Variants in AOPEP observed in about 807,000 individuals in gnomAD.
AOPEP encodes the protein aminopeptidase O (putative), also known as aminopeptidase O.
In AOPEP, 77 loss-of-function variants were observed where a neutral mutation model predicts 98.1. That is an observed-to-expected ratio of 0.78 (90% CI 0.65 to 0.95). The LOEUF (loss-of-function observed/expected upper bound fraction) is 0.95, where lower values mean the gene tolerates loss of function less well. AOPEP is among the 40% of genes least tolerant of loss of function. AOPEP has a pLI of 0.00. For synonymous variants in AOPEP, 346 were observed against 365.3 expected (o/e 0.95, Z 0.60); for missense variants, 1,024 against 1,024.7 (o/e 1.00, Z 0.01).
At chr9:94,793,879 T>C (rs1207835276) in intron 4 of AOPEP, among the ~76,000 whole-genome samples, 1 of 152,244 alleles carries the variant, frequency 6.6e-6, no homozygotes, top group Non-Finnish European at 1.5e-5. Context: ...AGTTTGGTTT[T>C]CAGTGCTTAT....
At chr9:95,007,762 G>A (rs768967919) in intron 13 of AOPEP, among the ~76,000 whole-genome samples, 1 of 152,152 alleles carries the variant, frequency 6.6e-6, no homozygotes, top group Non-Finnish European at 1.5e-5. Context: ...CCACACCTAG[G>A]AGAAGATTCA....
intron 9 of AOPEP, among the ~76,000 whole-genome samples, chr9:94,960,006 T>C (rs1589083535): frequency 6.6e-6 from 1 of 152,212 alleles, no homozygotes; most frequent in Non-Finnish European, 1.5e-5. Context: ...TCTAAAAGAA[T>C]TTTTTATGGT....
At chr9:95,011,486 G>T (rs978362160) in intron 13 of AOPEP, among the ~76,000 whole-genome samples, 8 of 152,052 alleles carry the variant, frequency 5.3e-5, no homozygotes, top group African/African-American at 1.7e-4. Flanking sequence ...ACAGACATGA[G>T]CCACCGCGCA....
At chr9:95,056,992 C>T (rs1285641468) in intron 13 of AOPEP, among the ~76,000 whole-genome samples, 1 of 152,106 alleles carries the variant, frequency 6.6e-6, no homozygotes, top group Non-Finnish European at 1.5e-5. Flanking sequence ...ATGAGCTGGT[C>T]TCTGTATGGA....
intron 5 of AOPEP, among the ~76,000 whole-genome samples, chr9:94,903,167 G>A (rs745804598): frequency 4.0e-5 from 6 of 151,674 alleles, no homozygotes; most frequent in Non-Finnish European, 7.4e-5. Flanking sequence ...TTTTTGTGGA[G>A]AGACGGGGTT....
chr9:95,082,991 G>A (rs570936274), intron 16 of AOPEP: 3 of 405,530 alleles, frequency 7.4e-6, no homozygotes, highest in Admixed American at 8.2e-5. Context: ...GCACTATTTT[G>A]GCCACTTCAG....
At chr9:95,012,772 G>C (rs1371233987) in intron 13 of AOPEP, among the ~76,000 whole-genome samples, 1 of 151,968 alleles carries the variant, frequency 6.6e-6, no homozygotes, top group African/African-American at 2.4e-5. Flanking sequence ...CCAACACTTA[G>C]AAAAAGGCCT....
intron 13 of AOPEP, chr9:95,021,965 CT>C (rs559348592): frequency 9.2e-5 from 14 of 152,334 alleles, no homozygotes; most frequent in African/African-American, 3.4e-4. Context: ...TTGGGAACCC[CT>C]GATGGAGTTC....
chr9:94,816,259 G>T (rs182519260), intron 5 of AOPEP, among the ~76,000 whole-genome samples: 18 of 152,224 alleles, frequency 1.2e-4, no homozygotes, highest in Middle Eastern at 6.8e-3. Context: ...TATAGTTCAG[G>T]GTCCCCAGCT....
chr9:95,103,767 C>T, the AOPEP span, among the ~76,000 whole-genome samples: 1 of 152,232 alleles, frequency 6.6e-6, no homozygotes, highest in Non-Finnish European at 1.5e-5. Flanking sequence ...GAAGAGCCCA[C>T]TGCGCAGAGC....
chr9:94,766,606 A>G (rs1045793375), intron 2 of AOPEP, among the ~76,000 whole-genome samples: 2 of 152,228 alleles, frequency 1.3e-5, no homozygotes, highest in South Asian at 2.1e-4. Flanking sequence ...AATCATTATA[A>G]TAGTTGTGGA....
rs79092863 is a variant in AOPEP, at chr9:94,795,075, G to T, written c.1118+2157G>T. Among the ~76,000 whole-genome samples the T allele has an allele frequency of 4.6e-3, 705 of 152,262 alleles. 4 individuals carry two copies. The highest frequency in any genetic ancestry group is 0.016 in the African/African-American group (656 of 41,540). On this transcript the variant is annotated intron_variant, in intron 4 of 16. Transcript: ENST00000375315. ...CTCATTTAGTCCTAAGGATAAGCCTGCAAAACAGATTGGATAGATTATTAT... is the reference window on the plus strand; with the variant it reads ...CTCATTTAGTCCTAAGGATAAGCCTTCAAAACAGATTGGATAGATTATTAT...
intron 5 of AOPEP, among the ~76,000 whole-genome samples, chr9:94,865,132 A>G (rs1312423681): frequency 6.6e-6 from 1 of 152,232 alleles, no homozygotes; most frequent in Non-Finnish European, 1.5e-5. Context: ...GGGAATCTGC[A>G]TTGTTTGGAA....
chr9:94,881,358 T>C (rs1038423833), intron 5 of AOPEP, among the ~76,000 whole-genome samples: 4 of 152,128 alleles, frequency 2.6e-5, no homozygotes, highest in Non-Finnish European at 5.9e-5. Context: ...AGCAGACAAC[T>C]CTTTTCCAGT....
At chr9:95,122,685 G>A in the AOPEP span, among the ~76,000 whole-genome samples, 1 of 152,208 alleles carries the variant, frequency 6.6e-6, no homozygotes, top group African/African-American at 2.4e-5. Flanking sequence ...TAGAGGCTGA[G>A]GGTGAAGCTA....
chr9:94,770,561 AG>A (rs1052139368), intron 2 of AOPEP, among the ~76,000 whole-genome samples: 3 of 152,198 alleles, frequency 2.0e-5, no homozygotes, highest in African/African-American at 7.2e-5. Flanking sequence ...TGTTGGCCAA[AG>A]GTCTCTGTTT....
chr9:94,928,366 A>G (rs111355512), intron 6 of AOPEP, 59 bp from the exon 7 acceptor site: 21 of 1,251,832 alleles, frequency 1.7e-5, no homozygotes, highest in African/African-American at 1.0e-4. Flanking sequence ...CCATTGCACC[A>G]GGACCACAAC....
chr9:95,126,696 C>A, the AOPEP span: 4 of 1,065,898 alleles, frequency 3.8e-6, no homozygotes, highest in Non-Finnish European at 5.7e-6. Flanking sequence ...AACTGGCATA[C>A]TCCTTTTGGT....
the AOPEP span, among the ~76,000 whole-genome samples, chr9:95,134,393 G>A: frequency 1.3e-5 from 2 of 152,150 alleles, no homozygotes; most frequent in East Asian, 1.9e-4. Flanking sequence ...GCTCAAGGGC[G>A]AGGGTGAACA....
Sources: gnomAD v4.1 joint callset for allele counts (sites outside exome capture counted in the v4.1 genomes callset) on GRCh38, gnomAD v4.1.1 for gene constraint, MANE v1.5 for transcripts, NCBI Gene and HGNC (gene_info 2026-07-23, HGNC 2026-07-21) for gene names.